The following ENOX2 variants were observed in gnomAD, a reference collection of about 807,000 sequenced individuals.
ENOX2 encodes ecto-NOX disulfide-thiol exchanger 2.
A neutral mutation model predicts 45.0 loss-of-function variants in ENOX2; 36 were observed. That is an observed-to-expected ratio of 0.80 (90% CI 0.61 to 1.06). ENOX2 has a LOEUF of 1.06. Among genes scored for constraint, ENOX2 ranks in the 50% least tolerant of loss-of-function variants. The pLI, the probability that ENOX2 is intolerant of heterozygous loss-of-function variation, is 0.00. For missense variants in ENOX2, 423 were observed against 462.5 expected (o/e 0.91, Z 0.78); for synonymous variants, 174 against 152.3 (o/e 1.14, Z -1.05).
chrX:130,757,301 A>G (rs1277972360), intron 3 of ENOX2, among the ~76,000 whole-genome samples: 1 of 111,978 alleles, frequency 8.9e-6, no homozygotes, highest in Non-Finnish European at 1.9e-5. Context: ...ATTTTGTCCA[A>G]GCTGTACTGG....
intron 2 of ENOX2, among the ~76,000 whole-genome samples, chrX:130,837,369 C>T (rs1292063099): frequency 8.9e-6 from 1 of 111,966 alleles, no homozygotes; most frequent in Admixed American, 9.4e-5. Context: ...ACTAAGTCCA[C>T]AAATGGACTA....
At chrX:130,895,028 T>C (rs1258245168) in intron 2 of ENOX2, among the ~76,000 whole-genome samples, 1 of 111,562 alleles carries the variant, frequency 9.0e-6, no homozygotes, top group African/African-American at 3.3e-5. Context: ...CCAGAACACC[T>C]TCTCTCTCTT....
intron 2 of ENOX2, among the ~76,000 whole-genome samples, chrX:130,808,910 T>C (rs1202938345): frequency 8.9e-6 from 1 of 112,335 alleles, no homozygotes; most frequent in Non-Finnish European, 1.9e-5. Flanking sequence ...TTTATATCTT[T>C]CTTAGTATAT....
chrX:130,633,168 A>C (rs1001596960), intron 12 of ENOX2, among the ~76,000 whole-genome samples: 2 of 112,114 alleles, frequency 1.8e-5, no homozygotes, highest in Non-Finnish European at 3.8e-5. Flanking sequence ...GCACTAAGAC[A>C]GACATAAGTC....
At chrX:130,801,705 G>A (rs1410794916) in intron 2 of ENOX2, among the ~76,000 whole-genome samples, 3 of 111,202 alleles carry the variant, frequency 2.7e-5, no homozygotes, top group African/African-American at 9.8e-5. Flanking sequence ...TCTGAATTTC[G>A]GGTAAATTTC....
intron 6 of ENOX2, among the ~76,000 whole-genome samples, chrX:130,672,394 C>T (rs1379604319): frequency 8.9e-6 from 1 of 112,091 alleles, no homozygotes; most frequent in Non-Finnish European, 1.9e-5. Context: ...GGAGTCCCTC[C>T]AGGGCCCCCG....
chrX:130,886,854 C>A (rs1316735930), intron 2 of ENOX2, among the ~76,000 whole-genome samples: 1 of 112,094 alleles, frequency 8.9e-6, no homozygotes, highest in African/African-American at 3.2e-5. Context: ...AAACATAACA[C>A]ACTAAGTGTT....
chrX:130,725,973 A>G (rs1221508835), intron 3 of ENOX2, among the ~76,000 whole-genome samples: 1 of 112,281 alleles, frequency 8.9e-6, no homozygotes, highest in Non-Finnish European at 1.9e-5. Flanking sequence ...CAAATCCTAG[A>G]TTCTTGCTTA....
chrX:130,811,184 A>G (rs1163628985), intron 2 of ENOX2, among the ~76,000 whole-genome samples: 1 of 111,100 alleles, frequency 9.0e-6, no homozygotes, highest in Non-Finnish European at 1.9e-5. Context: ...CCAGCCCTCA[A>G]GGACTCAGGC....
chrX:130,849,516 T>C (rs891777988), intron 2 of ENOX2, among the ~76,000 whole-genome samples: 1 of 112,289 alleles, frequency 8.9e-6, no homozygotes, highest in African/African-American at 3.2e-5. Context: ...CTTTGCTAAG[T>C]GCCGAGATAT....
chrX:130,709,280 A>G, intron 3 of ENOX2: 1 of 1,205,590 alleles, frequency 8.3e-7, no homozygotes, highest in South Asian at 1.8e-5. Context: ...GCCATCTAAA[A>G]TCTCTTTGCA....
chrX:130,829,658 T>A (rs1354023767), intron 2 of ENOX2, among the ~76,000 whole-genome samples: 2 of 111,366 alleles, frequency 1.8e-5, no homozygotes, highest in Non-Finnish European at 3.8e-5. Flanking sequence ...CCAGAAACTG[T>A]TCTAGGAGCT....
At chrX:130,758,237 A>C (rs752378675) in intron 3 of ENOX2, among the ~76,000 whole-genome samples, 3 of 111,922 alleles carry the variant, frequency 2.7e-5, no homozygotes, top group Non-Finnish European at 3.8e-5. Flanking sequence ...AGGATCTCTC[A>C]TGTTGCCCAA....
At chrX:130,805,080 C>T (rs1007378108) in intron 2 of ENOX2, among the ~76,000 whole-genome samples, 4 of 111,577 alleles carry the variant, frequency 3.6e-5, no homozygotes, top group African/African-American at 1.3e-4. Flanking sequence ...GCAGAAAGCC[C>T]TCACCAGATG....
In ENOX2 at chrX:130,625,204, G is replaced by T; in HGVS notation, c.*110C>A. ...TCAAAAGATTTTCCAGGAATGAACT[G>T]ACAAATTCAAAGGAACTTCCACTTG... On this transcript the variant is annotated 3_prime_UTR_variant, in exon 15 of 15. Coordinates refer to ENST00000394363, the MANE Select transcript of ENOX2 (RefSeq NM_006375.4). 1.1e-6 allele frequency: 1 copy of T among 940,198 alleles called. No individual in the cohort carries two copies. The highest frequency in any genetic ancestry group is 1.5e-6 in the Non-Finnish European group (1 of 683,829). 77.5% of individuals were successfully genotyped at this position (940,198 alleles called of 1,213,427 possible). A position where few individuals can be genotyped will look rare whatever the true frequency, so the allele number is the denominator to read the frequency against.
chrX:130,898,503 T>G (rs746183341), intron 2 of ENOX2, among the ~76,000 whole-genome samples: 1 of 110,561 alleles, frequency 9.0e-6, no homozygotes, highest in Admixed American at 9.6e-5. Flanking sequence ...CGTGTGTGTG[T>G]GCGTGTGTGT....
intron 2 of ENOX2, among the ~76,000 whole-genome samples, chrX:130,823,538 A>G (rs981320455): frequency 2.7e-5 from 3 of 112,306 alleles, no homozygotes; most frequent in African/African-American, 9.7e-5. Context: ...GCAATAATTT[A>G]TAAGTCAGAT....
In ENOX2 at chrX:130,841,503, G is replaced by A. The variant is rs761002786; in HGVS notation, c.-182-57813C>T. Among the ~76,000 whole-genome samples, 4 of 112,024 alleles carry A rather than the reference G, an allele frequency of 3.6e-5. No individual in the cohort carries two copies. In the East Asian group the frequency reaches 1.1e-3, roughly 31 times the overall value. The stretch of plus-strand genomic sequence containing the variant: ...ATGATTTCCCAATAATCCTTTACAG[G>A]GCTAGAGAGGAATAAACAGCAGAAT... On this transcript the variant is annotated intron_variant, in intron 2 of 14. Coordinates refer to ENST00000394363, the MANE Select transcript of ENOX2 (RefSeq NM_006375.4).
In ENOX2 at chrX:130,897,464, A is replaced by G. The variant is rs966691692; in HGVS notation, c.-183+4220T>C. Among the ~76,000 whole-genome samples, 8 of 112,233 alleles carry G rather than the reference A, an allele frequency of 7.1e-5. No individual in the cohort carries two copies. The South Asian group carries it at 3.0e-3, about 42-fold the overall frequency. On this transcript the variant is annotated intron_variant, in intron 2 of 14. Transcript: ENST00000394363. Reference sequence around the variant, plus strand: ...AGGTTTTAAATTTTCTCTTTAAAAAATGCCCTTTATTATGATAACTTTTCT... The same window carrying G: ...AGGTTTTAAATTTTCTCTTTAAAAAGTGCCCTTTATTATGATAACTTTTCT...
Sources: gnomAD v4.1 joint callset for allele counts (sites outside exome capture counted in the v4.1 genomes callset) on GRCh38, gnomAD v4.1.1 for gene constraint, MANE v1.5 for transcripts, NCBI Gene and HGNC (gene_info 2026-07-23, HGNC 2026-07-21) for gene names.